The following FKBP3 variants were observed in gnomAD, a reference collection of about 807,000 sequenced individuals.
The protein encoded by FKBP3 is peptidyl-prolyl cis-trans isomerase FKBP3.
Under a neutral mutation model 30.6 loss-of-function variants are expected in FKBP3, and 21 were observed. The ratio of observed to expected loss-of-function variants is 0.69; its 90% confidence interval spans 0.49 to 0.99. The LOEUF (loss-of-function observed/expected upper bound fraction) is 0.99, where lower values mean the gene tolerates loss of function less well. FKBP3 is among the 50% of genes least tolerant of loss of function. The pLI is 0.00. For synonymous variants in FKBP3, 82 were observed against 91.3 expected, an observed-to-expected ratio of 0.90 and a Z score of 0.58; for missense variants, 283 against 261.6, an observed-to-expected ratio of 1.08 and a Z score of -0.56.
At chr14:45,118,886 C>T (rs541290855) in intron 5 of FKBP3, among the ~76,000 whole-genome samples, 17 of 152,030 alleles carry the variant, frequency 1.1e-4, no homozygotes, top group South Asian at 2.1e-4. Flanking sequence ...GATGGAGTTT[C>T]GCTCTTGTTG....
chr14:45,129,551 G>A (rs3783702), intron 3 of FKBP3, among the ~76,000 whole-genome samples: 24,677 of 152,088 alleles, frequency 0.16, 3,748 homozygotes, highest in African/African-American at 0.4. Context: ...ATGTGGAGGC[G>A]ATATTAAATA....
intron 3 of FKBP3, among the ~76,000 whole-genome samples, chr14:45,126,514 G>T (rs939686899): frequency 6.6e-6 from 1 of 151,732 alleles, no homozygotes; most frequent in African/African-American, 2.4e-5. Flanking sequence ...AAAAGAATAC[G>T]TCTATAGAAA....
chr14:45,134,098 A>G (rs777096105), intron 1 of FKBP3, among the ~76,000 whole-genome samples: 15 of 152,156 alleles, frequency 9.9e-5, no homozygotes, highest in Admixed American at 2.0e-4. Context: ...AAGGATCCCA[A>G]TGAGGTTCTA....
intron 3 of FKBP3, among the ~76,000 whole-genome samples, chr14:45,128,116 A>G (rs1024643921): frequency 1.3e-5 from 2 of 152,122 alleles, no homozygotes; most frequent in African/African-American, 4.8e-5. Context: ...GTGGGCGGAT[A>G]ACTTGAGGTC....
chr14:45,118,019 A>G lies in FKBP3; in HGVS notation c.620+9T>C. On this transcript the variant is annotated intron_variant, in intron 6 of 6. Transcript: ENST00000396062. The stretch of plus-strand genomic sequence containing the variant: ...TTCAACTTTAATTATGAAGGGGAAA[A>G]AAGGATACTTGGCATCAGGCTGTCC... The G allele has an allele frequency of 6.3e-7, 1 of 1,576,038 alleles. No homozygotes were observed. The highest frequency in any genetic ancestry group is 8.6e-7 in the Non-Finnish European group (1 of 1,161,588).
chr14:45,131,880 T>G (rs1225040698), intron 1 of FKBP3, among the ~76,000 whole-genome samples: 1 of 152,212 alleles, frequency 6.6e-6, no homozygotes, highest in Non-Finnish European at 1.5e-5. Flanking sequence ...AACAGCGGAA[T>G]TGCTTTTCTT....
chr14:45,123,884 C>T (rs1022954527), intron 3 of FKBP3, among the ~76,000 whole-genome samples: 2 of 151,988 alleles, frequency 1.3e-5, no homozygotes, highest in Admixed American at 6.5e-5. Context: ...TCCCAAAGTG[C>T]TGGGATTACA....
chr14:45,117,668 A>G (rs1424484767), intron 6 of FKBP3, among the ~76,000 whole-genome samples: 2 of 152,184 alleles, frequency 1.3e-5, no homozygotes, highest in African/African-American at 4.8e-5. Flanking sequence ...CCATAAAATT[A>G]CCATGAGCCA....
Position 45,118,059 on chromosome 14 carries a change from C to A in FKBP3, c.589G>T (p.Ala197Ser). The A allele has an allele frequency of 6.2e-7, 1 of 1,608,130 alleles. No individual in the cohort carries two copies. The highest frequency in any genetic ancestry group is 8.5e-7 in the Non-Finnish European group (1 of 1,178,050). Residue 197 changes from alanine to serine, a missense_variant, in exon 6 of 7, where the codon GCT (alanine) becomes TCT (serine). Transcript: ENST00000396062. Reference protein sequence around the residue: ...KARLEIEPEWAYGKKGQPDAK... With the variant: ...KARLEIEPEWSYGKKGQPDAK... ...TCAGGCTGTCCTTTCTTTCCGTAAG[C>A]CCATTCTGGTTCAATCTCCAGTCGA... is the stretch of plus-strand genomic sequence containing the variant.
chr14:45,130,774 T>G lies in FKBP3; in HGVS notation c.135A>C (p.Gly45=). ...DSFLAEHKLL[G]NIKNVAKTAN... ...CTGTCTTGGCCACATTTTTAATGTT[T>G]CCTAATAATTTATGTTCTGCAAGAA... Residue 45 remains glycine (G), a synonymous_variant, in exon 2 of 7, where the codon GGA becomes GGC. Coordinates refer to ENST00000396062, the MANE Select transcript of FKBP3 (RefSeq NM_002013.4). The G allele has an allele frequency of 1.2e-6, 2 of 1,609,772 alleles. No individual in the cohort carries two copies. Among genetic ancestry groups the G allele is most frequent in the Non-Finnish European group, 1.7e-6 (2 of 1,177,966 alleles).
chr14:45,127,664 TA>T (rs1354111902), intron 3 of FKBP3, among the ~76,000 whole-genome samples: 1 of 152,172 alleles, frequency 6.6e-6, no homozygotes, highest in African/African-American at 2.4e-5. Flanking sequence ...ATATTGTTAG[TA>T]ACTACCATAC....
In FKBP3 at chr14:45,127,178, A is replaced by C. The variant is rs1885119696; in HGVS notation, c.318+2616T>G. Among the ~76,000 whole-genome samples, 4 of 146,962 alleles carry C rather than the reference A, an allele frequency of 2.7e-5. No individual in the cohort carries two copies. The South Asian group carries it at 8.7e-4, about 32-fold the overall frequency. ...GCCCAGGCTGGAGTACAATGGTGCG[A>C]TCTCAGCTCACTGCAACCTCCGCCT... On this transcript the variant is annotated intron_variant, in intron 3 of 6. Transcript: ENST00000396062.
At chr14:45,117,524 T>TAATAATAAA (rs1884877408) in intron 6 of FKBP3, among the ~76,000 whole-genome samples, 1 of 152,196 alleles carries the variant, frequency 6.6e-6, no homozygotes, top group African/African-American at 2.4e-5. Context: ...TCAGTGAGTA[T>TAATAATAAA]TGTCATTAGT....
At chr14:45,127,742 T>A (rs1483083023) in intron 3 of FKBP3, among the ~76,000 whole-genome samples, 1 of 152,104 alleles carries the variant, frequency 6.6e-6, no homozygotes, top group African/African-American at 2.4e-5. Flanking sequence ...GTTTGCAAAG[T>A]ATTGTTTTAG....
chr14:45,129,069 T>C (rs752036261), intron 3 of FKBP3, among the ~76,000 whole-genome samples: 5 of 152,248 alleles, frequency 3.3e-5, no homozygotes, highest in East Asian at 1.9e-4. Flanking sequence ...ACATCTATAA[T>C]TGTATAACTG....
chr14:45,116,537 A>G (rs894531423), intron 6 of FKBP3, among the ~76,000 whole-genome samples: 2 of 152,088 alleles, frequency 1.3e-5, no homozygotes, highest in Non-Finnish European at 2.9e-5. Flanking sequence ...GAGGTAGTAC[A>G]TAATATTTAC....
At chr14:45,131,514 C>G (rs1428088161) in intron 1 of FKBP3, among the ~76,000 whole-genome samples, 1 of 151,470 alleles carries the variant, frequency 6.6e-6, no homozygotes, top group Non-Finnish European at 1.5e-5. Context: ...TGCCTGTAGT[C>G]CCAGCTCGGG....
Position 45,120,910 on chromosome 14 carries a change from C to T in FKBP3, c.499G>A (p.Gly167Arg), listed in dbSNP as rs1594741796. The T allele has an allele frequency of 5.0e-6, 8 of 1,613,262 alleles. No individual in the cohort carries two copies. The highest frequency in any genetic ancestry group is 2.2e-5 in the East Asian group (1 of 44,796). ...KNAKPLSFKVGVGKVIRGWDE... is the reference protein window; with the variant it reads ...KNAKPLSFKVRVGKVIRGWDE... ...ACTCCTCTGATAACTTTGCCTACTC[C>T]GACCTTAAAACTTAAAGGCTTGGCA... Residue 167 changes from glycine to arginine, a missense_variant, in exon 5 of 7, where the codon GGA becomes AGA. By Grantham distance (125) the Gly-to-Arg change is moderately radical (BLOSUM62 -2). Transcript: ENST00000396062.
At chr14:45,131,448 G>A (rs1371054223) in intron 1 of FKBP3, among the ~76,000 whole-genome samples, 3 of 151,688 alleles carry the variant, frequency 2.0e-5, no homozygotes, top group East Asian at 1.9e-4. Context: ...CCTGGCCAAC[G>A]TGACAAAACC....
Sources: gnomAD v4.1 joint callset for allele counts (sites outside exome capture counted in the v4.1 genomes callset) on GRCh38, gnomAD v4.1.1 for gene constraint, MANE v1.5 for transcripts, NCBI Gene and HGNC (gene_info 2026-07-23, HGNC 2026-07-21) for gene names.